TMEM132B: variants seen among roughly 807,000 people sequenced by gnomAD.
TMEM132B encodes the protein transmembrane protein 132B.
In TMEM132B, 18 loss-of-function variants were observed where a neutral mutation model predicts 90.8. The observed-to-expected ratio is 0.20, with a 90% CI of 0.14 to 0.29. The LOEUF is 0.29. Ranked by LOEUF, TMEM132B falls within the 10% of genes least tolerant of loss-of-function variation. TMEM132B has a pLI of 1.00. For missense variants in TMEM132B, 1,096 were observed against 1,326.8 expected (o/e 0.83, Z 2.70); for synonymous variants, 504 against 523.3 (o/e 0.96, Z 0.50).
At chr12:125,353,157 C>G (rs1877647966) in intron 2 of TMEM132B, among the ~76,000 whole-genome samples, 1 of 151,994 alleles carries the variant, frequency 6.6e-6, no homozygotes, top group African/African-American at 2.4e-5. Context: ...GCAGACATTA[C>G]CAATCAACTG....
At chr12:125,284,039 G>A (rs189160755) in intron 1 of TMEM132B, among the ~76,000 whole-genome samples, 1 of 152,326 alleles carries the variant, frequency 6.6e-6, no homozygotes, top group African/African-American at 2.4e-5. Flanking sequence ...ACCCCAGGAT[G>A]GCCAGAGGAG....
chr12:125,296,839 C>T (rs1056987060), intron 1 of TMEM132B, among the ~76,000 whole-genome samples: 2 of 152,198 alleles, frequency 1.3e-5, no homozygotes, highest in African/African-American at 4.8e-5. Context: ...CCTTGTGCTA[C>T]GTTAGGGATT....
chr12:125,495,142 T>C (rs11608975), intron 3 of TMEM132B, among the ~76,000 whole-genome samples: 41,977 of 51,336 alleles, frequency 0.82, 17,122 homozygotes, highest in Middle Eastern at 0.96. Flanking sequence ...CGTGTCCCTC[T>C]TCCCCCTACT....
intron 1 of TMEM132B, among the ~76,000 whole-genome samples, chr12:125,258,939 C>T (rs1874499837): frequency 6.6e-6 from 1 of 152,112 alleles, no homozygotes; most frequent in South Asian, 2.1e-4. Flanking sequence ...GTGATCCAGG[C>T]AGCGGAGAGG....
intron 4 of TMEM132B, among the ~76,000 whole-genome samples, chr12:125,570,627 A>G (rs1007968644): frequency 6.6e-6 from 1 of 152,234 alleles, no homozygotes; most frequent in Non-Finnish European, 1.5e-5. Flanking sequence ...CGTAGATAAT[A>G]AATGATCCGA....
intron 1 of TMEM132B, among the ~76,000 whole-genome samples, chr12:125,262,107 T>G (rs952191347): frequency 2.8e-4 from 42 of 152,048 alleles, no homozygotes; most frequent in African/African-American, 9.9e-4. Flanking sequence ...AACAAGTGGG[T>G]CAATTTAAAG....
At chr12:125,265,837 C>T (rs1456951247) in intron 1 of TMEM132B, among the ~76,000 whole-genome samples, 2 of 152,198 alleles carry the variant, frequency 1.3e-5, no homozygotes. Context: ...CATTCATTCT[C>T]ATTGCTGTAG....
At chr12:125,308,973 C>T (rs1301442311) in intron 1 of TMEM132B, among the ~76,000 whole-genome samples, 2 of 152,086 alleles carry the variant, frequency 1.3e-5, no homozygotes, top group African/African-American at 2.4e-5. Context: ...CTGCAACTTG[C>T]TTTTTTTCAG....
intron 1 of TMEM132B, among the ~76,000 whole-genome samples, chr12:125,268,500 T>C (rs1874747179): frequency 6.6e-6 from 1 of 152,164 alleles, no homozygotes; most frequent in African/African-American, 2.4e-5. Flanking sequence ...ATGAAGACAG[T>C]GTATATATTG....
At chr12:125,419,696 C>G (rs1880118681) in intron 3 of TMEM132B, among the ~76,000 whole-genome samples, 1 of 152,174 alleles carries the variant, frequency 6.6e-6, no homozygotes, top group African/African-American at 2.4e-5. Context: ...CCAACAATCC[C>G]CCAAAGTCTT....
intron 1 of TMEM132B, among the ~76,000 whole-genome samples, chr12:125,279,341 G>A (rs11058120): frequency 0.045 from 6,858 of 152,272 alleles, 555 homozygotes; most frequent in African/African-American, 0.16. Context: ...CTGGTGTTTG[G>A]GAGCTTGGCA....
In TMEM132B at chr12:125,562,942, A is replaced by G. The variant is rs545208258; in HGVS notation, c.1294-20909A>G. 1.4e-4 allele frequency among the ~76,000 whole-genome samples: 21 copies of G among 152,162 alleles called. 1 individual carries two copies. In the South Asian group the frequency reaches 4.4e-3, roughly 32 times the overall value. On this transcript the variant is annotated intron_variant, in intron 4 of 8. Coordinates refer to ENST00000682704, the MANE Select transcript of TMEM132B (RefSeq NM_001366854.1). ...AGACTAATATATTAGGGTTACTAAC[A>G]GACTTAATTTCAATATTGCATGTCT...
At chr12:125,476,772 A>G (rs911419479) in intron 3 of TMEM132B, among the ~76,000 whole-genome samples, 24 of 152,134 alleles carry the variant, frequency 1.6e-4, no homozygotes, top group African/African-American at 5.8e-4. Flanking sequence ...ACTTTTGAAA[A>G]TCATAGCCAC....
At chr12:125,226,785 A>C (rs201172917) in intron 1 of TMEM132B, among the ~76,000 whole-genome samples, 1 of 152,298 alleles carries the variant, frequency 6.6e-6, no homozygotes, top group East Asian at 1.9e-4. Flanking sequence ...TCATTCAGCC[A>C]GTGCTATGCC....
intron 2 of TMEM132B, among the ~76,000 whole-genome samples, chr12:125,385,604 A>C (rs1354705221): frequency 2.0e-5 from 3 of 152,258 alleles, no homozygotes. Context: ...TGTAACTCTC[A>C]GGCTTTAATT....
At chr12:125,206,417 T>C (rs113726784) in intron 1 of TMEM132B, among the ~76,000 whole-genome samples, 9 of 152,248 alleles carry the variant, frequency 5.9e-5, no homozygotes, top group African/African-American at 1.9e-4. Context: ...TTTGTAGTTT[T>C]AGTAGAGACA....
chr12:125,281,535 A>T (rs993793593), intron 1 of TMEM132B, among the ~76,000 whole-genome samples: 5 of 152,088 alleles, frequency 3.3e-5, no homozygotes, highest in Non-Finnish European at 7.4e-5. Context: ...AATTTTCTTG[A>T]CCATAAAACA....
intron 1 of TMEM132B, among the ~76,000 whole-genome samples, chr12:125,332,410 C>A (rs182704137): frequency 1.3e-5 from 2 of 152,046 alleles, no homozygotes; most frequent in East Asian, 3.9e-4. Flanking sequence ...ATTTTACTTT[C>A]TTTTATTCTT....
chr12:125,235,869 T>C (rs999922440), intron 1 of TMEM132B, among the ~76,000 whole-genome samples: 7 of 128,596 alleles, frequency 5.4e-5, no homozygotes, highest in Admixed American at 1.9e-4. Flanking sequence ...AGTGGCACAA[T>C]CTCGGCTCAC....
Sources: gnomAD v4.1 joint callset for allele counts (sites outside exome capture counted in the v4.1 genomes callset) on GRCh38, gnomAD v4.1.1 for gene constraint, MANE v1.5 for transcripts, NCBI Gene and HGNC (gene_info 2026-07-23, HGNC 2026-07-21) for gene names.